The following COBLL1 variants were observed in gnomAD, a reference collection of about 807,000 sequenced individuals.
COBLL1 encodes the protein cordon-bleu WH2 repeat protein like 1, also known as cordon-bleu protein-like 1.
In COBLL1, 50 loss-of-function variants were observed where a neutral mutation model predicts 94.8. That is an observed-to-expected ratio of 0.53 (90% CI 0.42 to 0.67). The LOEUF is 0.67. Ranked by LOEUF, COBLL1 falls within the 30% of genes least tolerant of loss-of-function variation. The pLI, the probability that COBLL1 is intolerant of heterozygous loss-of-function variation, is 0.00. For missense variants in COBLL1, 1,362 were observed against 1,348.7 expected, an observed-to-expected ratio of 1.01 and a Z score of -0.15; for synonymous variants, 448 against 473.8, an observed-to-expected ratio of 0.95 and a Z score of 0.71.
chr2:164,808,309 T>A (rs1178928694), intron 2 of COBLL1, among the ~76,000 whole-genome samples: 1 of 152,166 alleles, frequency 6.6e-6, no homozygotes, highest in Non-Finnish European at 1.5e-5. Flanking sequence ...TAATACTATG[T>A]TTTTGCTGGA....
At chr2:164,775,115 C>T (rs1688400354) in intron 2 of COBLL1, among the ~76,000 whole-genome samples, 1 of 151,484 alleles carries the variant, frequency 6.6e-6, no homozygotes, top group Non-Finnish European at 1.5e-5. Context: ...GAGACTGTGC[C>T]ACTGTACTCC....
chr2:164,735,392 C>T (rs1269419237), intron 3 of COBLL1, among the ~76,000 whole-genome samples: 1 of 152,168 alleles, frequency 6.6e-6, no homozygotes, highest in Non-Finnish European at 1.5e-5. Context: ...AAAGGTGAGA[C>T]ATAAACATTA....
intron 2 of COBLL1, among the ~76,000 whole-genome samples, chr2:164,801,469 A>T (rs889520429): frequency 4.7e-5 from 6 of 128,152 alleles, no homozygotes; most frequent in Admixed American, 8.3e-5. Context: ...AAAAAAAAAA[A>T]GCTTAGCTAA....
At chr2:164,718,311 A>C (rs770099195) in intron 7 of COBLL1, 1 of 899,508 alleles carries the variant, frequency 1.1e-6, no homozygotes, top group Non-Finnish European at 1.3e-6. Context: ...ATACAACCCT[A>C]AAGTTTATCT....
rs144365773 is a variant in COBLL1 at position 164,705,591 on chromosome 2, C to A, written c.997-486G>T. Among the ~76,000 whole-genome samples, 423 of 152,320 alleles carry A rather than the reference C, an allele frequency of 2.8e-3. 5 individuals carry two copies. Among genetic ancestry groups the A allele is most frequent in the African/African-American group, 9.6e-3 (398 of 41,566 alleles). On this transcript the variant is annotated intron_variant, in intron 7 of 13. Transcript: ENST00000652658. Reference sequence around the variant, plus strand: ...CTACTGCAAAGAGCTACTGCTCACACTCCTAGCCCGTGACTGTCAGCAGAC... The same window carrying A: ...CTACTGCAAAGAGCTACTGCTCACAATCCTAGCCCGTGACTGTCAGCAGAC...
chr2:164,677,469 C>T (rs1285033032), downstream of COBLL1, among the ~76,000 whole-genome samples: 2 of 152,150 alleles, frequency 1.3e-5, no homozygotes, highest in East Asian at 3.9e-4. Flanking sequence ...GACAACAAAA[C>T]ATGCTAGGAC....
At chr2:164,770,641 A>T (rs565900398) in intron 2 of COBLL1, among the ~76,000 whole-genome samples, 1 of 152,252 alleles carries the variant, frequency 6.6e-6, no homozygotes, top group African/African-American at 2.4e-5. Context: ...CGTAAAATCC[A>T]TTGCAATTCT....
At chr2:164,823,864 A>G (rs2105367704) in intron 2 of COBLL1, among the ~76,000 whole-genome samples, 1 of 152,286 alleles carries the variant, frequency 6.6e-6, no homozygotes, top group South Asian at 2.1e-4. Context: ...CTTCACCCAA[A>G]CGGAAAACTT....
At chr2:164,770,971 T>C (rs1386532779) in intron 2 of COBLL1, among the ~76,000 whole-genome samples, 2 of 152,136 alleles carry the variant, frequency 1.3e-5, no homozygotes, top group Non-Finnish European at 2.9e-5. Context: ...AAAAATAAGA[T>C]ATTTTTATTG....
chr2:164,763,282 C>CTT (rs143604150), intron 2 of COBLL1, among the ~76,000 whole-genome samples: 2,420 of 151,640 alleles, frequency 0.016, 28 homozygotes, highest in South Asian at 0.027. Flanking sequence ...AAAAAAATGT[C>CTT]TTTTTTCTTT....
At chr2:164,813,212 A>G (rs980848340) in intron 2 of COBLL1, among the ~76,000 whole-genome samples, 1 of 152,110 alleles carries the variant, frequency 6.6e-6, no homozygotes, top group Non-Finnish European at 1.5e-5. Flanking sequence ...TTAAACCACA[A>G]CAGAACAATA....
chr2:164,717,662 T>C (rs1449031854), intron 7 of COBLL1, among the ~76,000 whole-genome samples: 1 of 152,180 alleles, frequency 6.6e-6, no homozygotes, highest in Non-Finnish European at 1.5e-5. Flanking sequence ...CAAGTGATCC[T>C]CCCACCTCAG....
intron 13 of COBLL1, among the ~76,000 whole-genome samples, chr2:164,688,695 T>C (rs1683433848): frequency 6.6e-6 from 1 of 152,158 alleles, no homozygotes; most frequent in South Asian, 2.1e-4. Context: ...ACTCTTTGGT[T>C]GTTCAAATTT....
chr2:164,776,969 A>G (rs1417733662), intron 2 of COBLL1, among the ~76,000 whole-genome samples: 2 of 152,186 alleles, frequency 1.3e-5, no homozygotes, highest in East Asian at 1.9e-4. Context: ...AACTAAAGAC[A>G]GTTCCCATAT....
chr2:164,686,898 G>A (rs1383254455), intron 13 of COBLL1, among the ~76,000 whole-genome samples: 1 of 152,152 alleles, frequency 6.6e-6, no homozygotes. Flanking sequence ...GAGTACAAAT[G>A]GCCACAGATT....
At chr2:164,815,398 C>CAAAA (rs66834267) in intron 2 of COBLL1, among the ~76,000 whole-genome samples, 1 of 112,084 alleles carries the variant, frequency 8.9e-6, no homozygotes, top group African/African-American at 3.1e-5. Flanking sequence ...TATCCTATCT[C>CAAAA]AAAAAAAAAA....
rs544643679 is a variant in COBLL1 at position 164,689,842 on chromosome 2, C to T, written c.3300+2379G>A. On this transcript the variant is annotated intron_variant, in intron 13 of 13. Transcript: ENST00000652658. The stretch of plus-strand genomic sequence containing the variant: ...ATCAATAAGCCCTCACCAACCCCTC[C>T]TTTTTTCCCTCTGGAAGTAAGCGCT... Among the ~76,000 whole-genome samples the T allele has an allele frequency of 5.3e-5, 8 of 152,234 alleles. No homozygotes were observed. The East Asian group carries it at 1.4e-3, about 26-fold the overall frequency.
At chr2:164,757,329 A>C (rs1273652465) in intron 2 of COBLL1, among the ~76,000 whole-genome samples, 1 of 152,228 alleles carries the variant, frequency 6.6e-6, no homozygotes, top group Non-Finnish European at 1.5e-5. Flanking sequence ...ATAAATGTTC[A>C]ATCACATTTA....
chr2:164,685,482 C>G lies in COBLL1; in HGVS notation c.*464G>C, dbSNP rs1416448866. ...GGTATCACTAGTTTTCTAAATCATT[C>G]TTTCAGCCCAAAACAGGCTTTCATA... On this transcript the variant is annotated 3_prime_UTR_variant, in exon 14 of 14. Transcript: ENST00000652658. 2 of 152,336 alleles carry G rather than the reference C, an allele frequency of 1.3e-5. No individual in the cohort carries two copies. The highest frequency in any genetic ancestry group is 2.4e-5 in the African/African-American group (1 of 41,424). The allele number at this position is 152,336 out of a possible 1,614,324, so 9.4% of individuals were successfully genotyped here. A position where few individuals can be genotyped will look rare whatever the true frequency, so the allele number is the denominator to read the frequency against.
Sources: gnomAD v4.1 joint callset for allele counts (sites outside exome capture counted in the v4.1 genomes callset) on GRCh38, gnomAD v4.1.1 for gene constraint, MANE v1.5 for transcripts, NCBI Gene and HGNC (gene_info 2026-07-23, HGNC 2026-07-21) for gene names.